Variants in LPP observed in about 807,000 individuals in gnomAD.
The protein encoded by LPP is LIM domain containing preferred translocation partner in lipoma, also known as lipoma-preferred partner.
In LPP, 38 loss-of-function variants were observed where a neutral mutation model predicts 60.4. The ratio of observed to expected loss-of-function variants is 0.63; its 90% CI spans 0.49 to 0.83. The LOEUF is 0.83. Among genes scored for constraint, LPP ranks in the 40% least tolerant of loss-of-function variants. The probability of loss-of-function intolerance (pLI) is 0.00; values close to 1 mark genes in which losing one functional copy is unlikely to be tolerated. For synonymous variants in LPP, 328 were observed against 290.8 expected (o/e 1.13, Z -1.30); for missense variants, 902 against 783.6 (o/e 1.15, Z -1.80).
intron 5 of LPP, among the ~76,000 whole-genome samples, chr3:188,517,721 C>T (rs1817763945): frequency 1.3e-5 from 2 of 152,132 alleles, no homozygotes; most frequent in Admixed American, 6.5e-5. Context: ...ATAAAACCAT[C>T]AGATCTCGTG....
At chr3:188,256,115 T>A (rs1418453262) in intron 2 of LPP, among the ~76,000 whole-genome samples, 1 of 149,446 alleles carries the variant, frequency 6.7e-6, no homozygotes, top group East Asian at 1.9e-4. Flanking sequence ...TATAAAGGAA[T>A]ATATTATATT....
intron 2 of LPP, among the ~76,000 whole-genome samples, chr3:188,265,030 C>T (rs1378103180): frequency 1.3e-5 from 2 of 152,112 alleles, no homozygotes; most frequent in Non-Finnish European, 2.9e-5. Flanking sequence ...CATTTAGTTC[C>T]CCAAACTTCC....
At chr3:188,852,870 T>G (rs938904617) in intron 9 of LPP, among the ~76,000 whole-genome samples, 1 of 152,102 alleles carries the variant, frequency 6.6e-6, no homozygotes, top group Non-Finnish European at 1.5e-5. Flanking sequence ...GGGCTGGGTG[T>G]GGTGGCTCAC....
chr3:188,249,171 G>A (rs1728180976), intron 2 of LPP, among the ~76,000 whole-genome samples: 1 of 152,156 alleles, frequency 6.6e-6, no homozygotes, highest in Non-Finnish European at 1.5e-5. Context: ...GGCCGAGCAG[G>A]GAGGATAGCT....
At chr3:188,363,703 A>G (rs953734490) in intron 3 of LPP, among the ~76,000 whole-genome samples, 2 of 151,950 alleles carry the variant, frequency 1.3e-5, no homozygotes, top group Non-Finnish European at 2.9e-5. Flanking sequence ...TCAGGAGTTC[A>G]AGACCAGCCT....
intron 5 of LPP, among the ~76,000 whole-genome samples, chr3:188,494,267 A>C (rs1809287576): frequency 6.6e-6 from 1 of 152,092 alleles, no homozygotes; most frequent in South Asian, 2.1e-4. Context: ...CCTCCCTTAC[A>C]TGCCATACAT....
intron 7 of LPP, among the ~76,000 whole-genome samples, chr3:188,686,629 T>G (rs1483682272): frequency 6.6e-6 from 1 of 152,220 alleles, no homozygotes; most frequent in Non-Finnish European, 1.5e-5. Context: ...GAATTAATTG[T>G]TCTTGTGGGT....
chr3:188,470,103 C>G (rs1299413166), intron 4 of LPP, among the ~76,000 whole-genome samples: 2 of 152,018 alleles, frequency 1.3e-5, no homozygotes, highest in African/African-American at 4.8e-5. Context: ...TCACACACAT[C>G]TAGTAAATGG....
At chr3:188,751,028 A>G (rs1727906917) in intron 8 of LPP, among the ~76,000 whole-genome samples, 1 of 152,182 alleles carries the variant, frequency 6.6e-6, no homozygotes, top group African/African-American at 2.4e-5. Context: ...GCTGCCTCCA[A>G]ATATTATTGA....
At chr3:188,471,449 G>A (rs923830339) in intron 4 of LPP, among the ~76,000 whole-genome samples, 4 of 152,186 alleles carry the variant, frequency 2.6e-5, no homozygotes, top group Non-Finnish European at 4.4e-5. Context: ...GAGATGCAGA[G>A]CAGTAAATGA....
chr3:188,657,496 G>A lies in LPP; in HGVS notation c.1113+47652G>A, dbSNP rs373649843. Among the ~76,000 whole-genome samples the A allele has an allele frequency of 4.6e-4, 70 of 151,718 alleles. No homozygotes were observed. The East Asian group carries it at 0.01, about 23-fold the overall frequency. ...ATTTAGCATTACCAGTGGATTCTGC[G>A]TATTTGATATGCTCTTTTTATTTTG... On this transcript the variant is annotated intron_variant, in intron 7 of 11. Transcript: ENST00000617246.
rs567973589 is a variant in LPP, at chr3:188,594,915, A to G, written c.430-14246A>G. On this transcript the variant is annotated intron_variant, in intron 6 of 11. Coordinates refer to ENST00000617246, the MANE Select transcript of LPP (RefSeq NM_001375462.1). ...ATTCACATATAGGACTTTTATCATG[A>G]TATATGTATGAATTTATATCCTGTT... 2.2e-4 allele frequency among the ~76,000 whole-genome samples: 34 copies of G among 152,296 alleles called. No individual in the cohort carries two copies. The East Asian group carries it at 4.6e-3, about 21-fold the overall frequency.
intron 2 of LPP, among the ~76,000 whole-genome samples, chr3:188,305,708 GT>G (rs1186970721): frequency 6.6e-6 from 1 of 152,184 alleles, no homozygotes; most frequent in Non-Finnish European, 1.5e-5. Context: ...AGAGGAGCAG[GT>G]TTTATTGTGT....
chr3:188,582,384 T>A (rs1836451691), intron 6 of LPP, among the ~76,000 whole-genome samples: 1 of 151,974 alleles, frequency 6.6e-6, no homozygotes, highest in Admixed American at 6.6e-5. Context: ...TTTCACCACG[T>A]TGGCCAGTCT....
chr3:188,462,969 G>A (rs1218839632), intron 4 of LPP, among the ~76,000 whole-genome samples: 1 of 151,988 alleles, frequency 6.6e-6, no homozygotes, highest in Non-Finnish European at 1.5e-5. Flanking sequence ...AGCCAGGCAT[G>A]GTGGGGGGCA....
intron 2 of LPP, among the ~76,000 whole-genome samples, chr3:188,250,728 TTCTTTCTTTC>T (rs1560158130): frequency 4.1e-5 from 1 of 24,468 alleles, no homozygotes; most frequent in East Asian, 1.7e-3. Flanking sequence ...CTTTCTCTCT[TTCTTTCTTTC>T]TTTCTTTCTT....
rs190711045 is a variant in LPP at position 188,673,180 on chromosome 3, C to T, written c.1114-35087C>T. Among the ~76,000 whole-genome samples, 173 of 152,152 alleles carry T rather than the reference C, an allele frequency of 1.1e-3. 2 individuals carry two copies. Among genetic ancestry groups the T allele is most frequent in the African/African-American group, 4.0e-3 (167 of 41,526 alleles). The stretch of plus-strand genomic sequence containing the variant: ...GTAAAAGAAAGCTTATTTCCAGTCA[C>T]GAGAAGTTAAATGTGAGCTGGGCAG... On this transcript the variant is annotated intron_variant, in intron 7 of 11. Transcript: ENST00000617246.
intron 3 of LPP, among the ~76,000 whole-genome samples, chr3:188,371,641 A>ATATATATATATTTTTT (rs1553878071): frequency 3.1e-5 from 1 of 32,172 alleles, no homozygotes; most frequent in Non-Finnish European, 5.2e-5. Flanking sequence ...ATATATATAT[A>ATATATATATATTTTTT]TTTTTTTTTT....
intron 2 of LPP, among the ~76,000 whole-genome samples, chr3:188,308,875 C>T (rs147754526): frequency 7.2e-4 from 74 of 103,042 alleles, no homozygotes; most frequent in African/African-American, 2.8e-3. Flanking sequence ...TTCTTGTTCT[C>T]GTTCTCGTTC....
Sources: gnomAD v4.1 joint callset for allele counts (sites outside exome capture counted in the v4.1 genomes callset) on GRCh38, gnomAD v4.1.1 for gene constraint, MANE v1.5 for transcripts, NCBI Gene and HGNC (gene_info 2026-07-23, HGNC 2026-07-21) for gene names.